RFX3: variants seen among roughly 807,000 people sequenced by gnomAD.
RFX3 encodes transcription factor RFX3.
In RFX3, 14 loss-of-function variants were observed where a neutral mutation model predicts 98.6. The observed-to-expected ratio is 0.14, with a 90% CI of 0.09 to 0.22. The LOEUF (loss-of-function observed/expected upper bound fraction) is 0.22. Ranked by LOEUF, RFX3 falls within the 10% of genes least tolerant of loss-of-function variation. The pLI is 1.00. For missense variants in RFX3, 639 were observed against 926.9 expected, an observed-to-expected ratio of 0.69 and a Z score of 4.03; for synonymous variants, 383 against 328.4, an observed-to-expected ratio of 1.17 and a Z score of -1.80.
intron 1 of RFX3, among the ~76,000 whole-genome samples, chr9:3,508,428 T>C (rs1817329588): frequency 6.6e-6 from 1 of 152,010 alleles, no homozygotes; most frequent in African/African-American, 2.4e-5. Flanking sequence ...ATTATTTAGA[T>C]CTCTCCCCCT....
At chr9:3,401,653 A>G (rs543523968) in intron 1 of RFX3, among the ~76,000 whole-genome samples, 56 of 152,186 alleles carry the variant, frequency 3.7e-4, no homozygotes, top group Non-Finnish European at 6.9e-4. Context: ...TACAGGAGAG[A>G]CATGCACAAT....
intron 3 of RFX3, among the ~76,000 whole-genome samples, chr9:3,345,545 G>C (rs1834360061): frequency 6.6e-6 from 1 of 152,060 alleles, no homozygotes. Flanking sequence ...TATTGTACCA[G>C]GCTCTGTATT....
intron 1 of RFX3, among the ~76,000 whole-genome samples, chr9:3,466,216 T>C (rs758675480): frequency 1.3e-5 from 2 of 152,112 alleles, no homozygotes; most frequent in Admixed American, 1.3e-4. Context: ...TGGCAACAAA[T>C]AATTTTAAAT....
At chr9:3,346,507 A>G (rs1021262010) in intron 3 of RFX3, among the ~76,000 whole-genome samples, 160 bp downstream of exon 3, 14 of 150,564 alleles carry the variant, frequency 9.3e-5, no homozygotes, top group African/African-American at 3.5e-4. Context: ...CTTAATAAAT[A>G]TAGACAAAAG....
At chr9:3,352,449 ATAAAT>A (rs1293278944) in intron 2 of RFX3, among the ~76,000 whole-genome samples, 2 of 152,012 alleles carry the variant, frequency 1.3e-5, no homozygotes, top group Non-Finnish European at 2.9e-5. Flanking sequence ...TTAAGTGAAA[ATAAAT>A]TAATATATTA....
chr9:3,356,081 A>G (rs200300289), intron 2 of RFX3, among the ~76,000 whole-genome samples: 2 of 48,498 alleles, frequency 4.1e-5, no homozygotes, highest in Non-Finnish European at 6.1e-5. Context: ...TATTAGGGGG[A>G]AAAAAATCTA....
Position 3,277,548 on chromosome 9 carries a change from T to C in RFX3, c.852-87A>G, listed in dbSNP as rs542673098. On this transcript the variant is annotated intron_variant, in intron 7 of 16. Transcript: ENST00000617270. Reference sequence around the variant, plus strand: ...CCGAAACTCCCAAAGCATTCAGTTTTATTCTATCTTCTTTAACGTCTCATG... The same window carrying C: ...CCGAAACTCCCAAAGCATTCAGTTTCATTCTATCTTCTTTAACGTCTCATG... 13 of 1,167,104 alleles carry C rather than the reference T, an allele frequency of 1.1e-5. No homozygotes were observed. In the South Asian group the frequency reaches 1.8e-4, roughly 16 times the overall value. 72.3% of individuals were successfully genotyped at this position (1,167,104 alleles called of 1,614,324 possible).
At chr9:3,237,502 C>T (rs1291208065) in intron 15 of RFX3, among the ~76,000 whole-genome samples, 1 of 152,106 alleles carries the variant, frequency 6.6e-6, no homozygotes, top group African/African-American at 2.4e-5. Context: ...ATAGTCAATG[C>T]AGAATTGGTA....
At position 3,429,096 on chromosome 9, in the gene RFX3, C is replaced by T. The variant is rs552417171; in HGVS notation, c.-8-33500G>A. On this transcript the variant is annotated intron_variant, in intron 1 of 16. Coordinates refer to ENST00000617270, the MANE Select transcript of RFX3 (RefSeq NM_001282116.2). ...GGAGTGCGGTGGCGCGATCTCGGCT[C>T]ACTGCAAGCTCCGCCTCCCGGGTTC... Among the ~76,000 whole-genome samples the T allele has an allele frequency of 1.1e-4, 16 of 149,700 alleles. No individual in the cohort carries two copies. The East Asian group carries it at 2.8e-3, about 26-fold the overall frequency.
intron 1 of RFX3, among the ~76,000 whole-genome samples, chr9:3,398,972 A>G (rs1841201757): frequency 6.6e-6 from 1 of 150,844 alleles, no homozygotes; most frequent in South Asian, 2.1e-4. Flanking sequence ...ATTCTTAACA[A>G]CTCCCAATAA....
intron 4 of RFX3, among the ~76,000 whole-genome samples, chr9:3,315,409 C>T (rs928520685): frequency 6.6e-6 from 1 of 152,068 alleles, no homozygotes; most frequent in Non-Finnish European, 1.5e-5. Flanking sequence ...TAAATGCCCA[C>T]AAGAGAAAGC....
intron 1 of RFX3, among the ~76,000 whole-genome samples, chr9:3,417,787 G>A (rs955745640): frequency 3.9e-5 from 6 of 152,094 alleles, no homozygotes; most frequent in Admixed American, 2.6e-4. Context: ...AGAACAGGAA[G>A]AATTCTAGAA....
intron 1 of RFX3, among the ~76,000 whole-genome samples, chr9:3,428,363 G>T (rs1844316228): frequency 6.6e-6 from 1 of 152,084 alleles, no homozygotes; most frequent in Admixed American, 6.5e-5. Context: ...GAATATCTCA[G>T]AACTTTAAGA....
chr9:3,381,779 A>G (rs1292939369), intron 2 of RFX3, among the ~76,000 whole-genome samples: 2 of 152,178 alleles, frequency 1.3e-5, no homozygotes, highest in African/African-American at 4.8e-5. Flanking sequence ...GAAACACCAA[A>G]TAATAAAGGG....
intron 1 of RFX3, among the ~76,000 whole-genome samples, chr9:3,406,173 C>T (rs1460815690): frequency 6.6e-6 from 1 of 151,772 alleles, no homozygotes; most frequent in Admixed American, 6.6e-5. Flanking sequence ...ATGTTGCCCA[C>T]CCTAGTCTCA....
At chr9:3,422,214 T>G (rs1230198259) in intron 1 of RFX3, among the ~76,000 whole-genome samples, 3 of 152,288 alleles carry the variant, frequency 2.0e-5, no homozygotes, top group African/African-American at 4.8e-5. Context: ...ATTATCCCAC[T>G]CACCCAAAAT....
intron 1 of RFX3, among the ~76,000 whole-genome samples, chr9:3,498,570 C>T (rs111887025): frequency 1.3e-5 from 2 of 152,000 alleles, no homozygotes. Flanking sequence ...CTGAAAACTT[C>T]TTTACGTGAT....
chr9:3,300,495 TAAAAA>T (rs919101784), intron 5 of RFX3, among the ~76,000 whole-genome samples: 3 of 151,414 alleles, frequency 2.0e-5, no homozygotes, highest in East Asian at 1.9e-4. Context: ...ATCAAATACT[TAAAAA>T]AAACACAGTT....
At chr9:3,269,112 C>T (rs1049653613) in intron 11 of RFX3, among the ~76,000 whole-genome samples, 1 of 151,804 alleles carries the variant, frequency 6.6e-6, no homozygotes, top group Admixed American at 6.6e-5. Context: ...AGGAAACTTG[C>T]TGTAGGTAGA....
Sources: gnomAD v4.1 joint callset for allele counts (sites outside exome capture counted in the v4.1 genomes callset) on GRCh38, gnomAD v4.1.1 for gene constraint, MANE v1.5 for transcripts, NCBI Gene and HGNC (gene_info 2026-07-23, HGNC 2026-07-21) for gene names.